Variants in SLC6A11 observed in about 807,000 individuals in gnomAD.
The protein encoded by SLC6A11 is sodium- and chloride-dependent GABA transporter 3.
In SLC6A11, 25 loss-of-function variants were observed where a neutral mutation model predicts 74.8. That is an observed-to-expected ratio of 0.33 (90% CI 0.24 to 0.47). The LOEUF is 0.47. Ranked by LOEUF, SLC6A11 falls within the 20% of genes least tolerant of loss-of-function variation. The pLI is 1.00. For synonymous variants in SLC6A11, 330 were observed against 330.2 expected (o/e 1.00, Z 0.01); for missense variants, 574 against 837.0 (o/e 0.69, Z 3.88).
In SLC6A11 at chr3:10,897,761, G is replaced by A. The variant is rs534277323; in HGVS notation, c.892-14329G>A. On this transcript the variant is annotated intron_variant, in intron 6 of 13. Transcript: ENST00000254488. The stretch of plus-strand genomic sequence containing the variant: ...CTACCATTCTGGGATCTGGAGGACA[G>A]TGGTCCTCTTCTCACAGCTCCACTA... Among the ~76,000 whole-genome samples the A allele has an allele frequency of 8.5e-5, 13 of 152,314 alleles. No individual in the cohort carries two copies. In the South Asian group the frequency reaches 2.1e-3, roughly 24 times the overall value.
intron 8 of SLC6A11, among the ~76,000 whole-genome samples, chr3:10,920,598 T>C (rs1695524472): frequency 1.3e-5 from 2 of 152,224 alleles, no homozygotes; most frequent in African/African-American, 2.4e-5. Flanking sequence ...CCTCATGAAA[T>C]GCTCCTGGCA....
intron 6 of SLC6A11, among the ~76,000 whole-genome samples, chr3:10,885,960 G>A (rs1695037548): frequency 3.9e-5 from 6 of 152,150 alleles, no homozygotes; most frequent in Admixed American, 3.9e-4. Context: ...CACTCCCACT[G>A]TGGATTCCAG....
intron 6 of SLC6A11, among the ~76,000 whole-genome samples, chr3:10,886,989 C>T (rs974323529): frequency 1.3e-5 from 2 of 152,288 alleles, no homozygotes; most frequent in South Asian, 2.1e-4. Context: ...CTGTCTTATC[C>T]GCTGTGAACT....
intron 4 of SLC6A11, among the ~76,000 whole-genome samples, chr3:10,831,835 T>G (rs1694302779): frequency 6.6e-6 from 1 of 152,226 alleles, no homozygotes; most frequent in South Asian, 2.1e-4. Flanking sequence ...TAGTAGTTCT[T>G]TCTTTCTCCT....
intron 4 of SLC6A11, among the ~76,000 whole-genome samples, chr3:10,838,861 A>G (rs551363745): frequency 6.6e-6 from 1 of 152,312 alleles, no homozygotes; most frequent in Non-Finnish European, 1.5e-5. Context: ...GGACTGAATG[A>G]AGCGAGATGG....
chr3:10,862,116 C>A (rs1694709867), intron 5 of SLC6A11, among the ~76,000 whole-genome samples: 1 of 152,184 alleles, frequency 6.6e-6, no homozygotes, highest in South Asian at 2.1e-4. Context: ...AGTGTCCCCC[C>A]ACTGGCACAT....
intron 5 of SLC6A11, among the ~76,000 whole-genome samples, chr3:10,855,602 T>C (rs1694629559): frequency 6.6e-6 from 1 of 152,188 alleles, no homozygotes; most frequent in South Asian, 2.1e-4. Context: ...GAGACAAATA[T>C]TAAGCCTGTC....
chr3:10,861,836 T>C (rs1321893546), intron 5 of SLC6A11, among the ~76,000 whole-genome samples: 1 of 152,184 alleles, frequency 6.6e-6, no homozygotes, highest in Admixed American at 6.5e-5. Context: ...GAAAGGAGCA[T>C]GTTGCAACCA....
At chr3:10,911,967 A>T in intron 6 of SLC6A11, 123 bp from the exon 7 acceptor site, 1 of 719,084 alleles carries the variant, frequency 1.4e-6, no homozygotes, top group Non-Finnish European at 2.5e-6. Flanking sequence ...TAGGAAGTTT[A>T]ATTATCCCTT....
intron 5 of SLC6A11, among the ~76,000 whole-genome samples, chr3:10,867,586 C>T (rs1453258552): frequency 6.6e-6 from 1 of 152,186 alleles, no homozygotes; most frequent in African/African-American, 2.4e-5. Flanking sequence ...GAGTCCTGGT[C>T]CTTTGGCTGA....
intron 5 of SLC6A11, 143 bp from the exon 6 acceptor site, chr3:10,874,818 T>C (rs766272520): frequency 3.0e-6 from 2 of 660,472 alleles, no homozygotes; most frequent in Non-Finnish European, 4.9e-6. Flanking sequence ...CAAGCAAATG[T>C]GGTCTATACA....
chr3:10,919,532 C>T (rs535615970), intron 8 of SLC6A11, among the ~76,000 whole-genome samples: 1 of 152,292 alleles, frequency 6.6e-6, no homozygotes, highest in South Asian at 2.1e-4. Flanking sequence ...GTCAGGGAAG[C>T]ACCCCTCTGA....
At chr3:10,872,604 A>T (rs1048140275) in intron 5 of SLC6A11, among the ~76,000 whole-genome samples, 3 of 152,212 alleles carry the variant, frequency 2.0e-5, no homozygotes, top group Non-Finnish European at 4.4e-5. Flanking sequence ...CTTGAAGCAG[A>T]AATTTCCCTC....
intron 13 of SLC6A11, among the ~76,000 whole-genome samples, chr3:10,937,812 G>C (rs1014854750): frequency 6.6e-6 from 1 of 152,184 alleles, no homozygotes; most frequent in African/African-American, 2.4e-5. Context: ...CCCTTCCAAG[G>C]GGAATGCACC....
rs149179327 is a variant in SLC6A11, at chr3:10,893,656, G to A, written c.892-18434G>A. Among the ~76,000 whole-genome samples, 883 of 152,210 alleles carry A rather than the reference G, an allele frequency of 5.8e-3. 7 individuals carry two copies. Among genetic ancestry groups the A allele is most frequent in the African/African-American group, 0.019 (806 of 41,518 alleles). On this transcript the variant is annotated intron_variant, in intron 6 of 13. Transcript: ENST00000254488. ...GATTCCTGAGAAGTGTCGTGAACGC[G>A]TCTCTTCCAGTGAGGCCTCCAGTTC...
chr3:10,901,783 C>A (rs372074901), intron 6 of SLC6A11, among the ~76,000 whole-genome samples: 19 of 152,218 alleles, frequency 1.2e-4, no homozygotes, highest in African/African-American at 3.4e-4. Context: ...TGGCATTAGC[C>A]GAAAGAAGGA....
intron 6 of SLC6A11, among the ~76,000 whole-genome samples, chr3:10,906,023 A>G (rs1452257543): frequency 6.6e-6 from 1 of 152,160 alleles, no homozygotes; most frequent in Non-Finnish European, 1.5e-5. Flanking sequence ...CTTTCCATGT[A>G]TCTCTTGAAC....
chr3:10,889,953 T>A (rs1206926902), intron 6 of SLC6A11, among the ~76,000 whole-genome samples: 1 of 152,108 alleles, frequency 6.6e-6, no homozygotes, highest in Non-Finnish European at 1.5e-5. Flanking sequence ...ATGGAATGGA[T>A]CCCTTCAACA....
In SLC6A11 at chr3:10,918,224, C is replaced by T; in HGVS notation, c.996-105C>T. On this transcript the variant is annotated intron_variant, in intron 7 of 13. Transcript: ENST00000254488. This position sits in a 1 kb window ranked among gnomAD's most constrained non-coding sequence, Gnocchi z 4.5. Reference sequence around the variant, plus strand: ...ACAGAGCTCCCTGTGCCTGCACTTCCCTGCCTGCCTCACAGGACAGCCATG... The same window carrying T: ...ACAGAGCTCCCTGTGCCTGCACTTCTCTGCCTGCCTCACAGGACAGCCATG... The T allele has an allele frequency of 7.5e-7, 1 of 1,331,786 alleles. No individual in the cohort carries two copies. The highest frequency in any genetic ancestry group is 1.5e-5 in the African/African-American group (1 of 65,498). The allele number at this position is 1,331,786 out of a possible 1,614,324, so 82.5% of individuals were successfully genotyped here.
Sources: gnomAD v4.1 joint callset for allele counts (sites outside exome capture counted in the v4.1 genomes callset) on GRCh38, gnomAD v4.1.1 for gene constraint, Gnocchi (gnomAD v3.1) non-coding constraint, MANE v1.5 for transcripts, NCBI Gene and HGNC (gene_info 2026-07-23, HGNC 2026-07-21) for gene names.